The following ITGA9 variants were observed in gnomAD, a reference collection of about 807,000 sequenced individuals.
ITGA9 encodes the protein integrin alpha-9.
ITGA9 carries 56 observed loss-of-function variants against 127.8 expected under a neutral mutation model. The observed-to-expected ratio is 0.44, with a 90% CI of 0.35 to 0.55. ITGA9 has a LOEUF of 0.55. Among genes scored for constraint, ITGA9 ranks in the 20% least tolerant of loss-of-function variants. The pLI is 0.00. For synonymous variants in ITGA9, 508 were observed against 514.5 expected (o/e 0.99, Z 0.17); for missense variants, 1,196 against 1,347.1 (o/e 0.89, Z 1.76).
chr3:37,778,611 C>T (rs939384946), intron 24 of ITGA9, among the ~76,000 whole-genome samples: 2 of 149,250 alleles, frequency 1.3e-5, no homozygotes, highest in African/African-American at 4.9e-5. Flanking sequence ...GAGCAAGACT[C>T]TGTCTCAAAA....
At chr3:37,716,865 C>T (rs1170470176) in intron 18 of ITGA9, among the ~76,000 whole-genome samples, 2 of 151,984 alleles carry the variant, frequency 1.3e-5, no homozygotes, top group Non-Finnish European at 2.9e-5. Context: ...CTATATTGTT[C>T]TTAAAAATAC....
At chr3:37,460,579 G>A (rs972125203) in intron 1 of ITGA9, among the ~76,000 whole-genome samples, 2 of 147,494 alleles carry the variant, frequency 1.4e-5, no homozygotes, top group African/African-American at 2.5e-5. Flanking sequence ...CCTACTGTGT[G>A]CCCAAATCTT....
chr3:37,761,759 G>C (rs1425581840), intron 23 of ITGA9, among the ~76,000 whole-genome samples: 1 of 152,200 alleles, frequency 6.6e-6, no homozygotes, highest in East Asian at 1.9e-4. Flanking sequence ...AGGTCACAGA[G>C]ACCCCGCTGA....
chr3:37,476,020 CGGATCTCCTTCCTTTTTAAA>C (rs1698490084), intron 3 of ITGA9, among the ~76,000 whole-genome samples: 1 of 151,964 alleles, frequency 6.6e-6, no homozygotes, highest in Non-Finnish European at 1.5e-5. Flanking sequence ...AGCATGTGAC[CGGATCTCCTTCCTTTTTAAA>C]GGCAGAATAA....
intron 26 of ITGA9, among the ~76,000 whole-genome samples, chr3:37,792,924 G>C (rs1697128701): frequency 6.6e-6 from 1 of 152,142 alleles, no homozygotes; most frequent in Admixed American, 6.6e-5. Context: ...GAGTGATCCA[G>C]TGTCATCTCG....
intron 1 of ITGA9, among the ~76,000 whole-genome samples, chr3:37,457,310 G>A (rs1698271197): frequency 6.6e-6 from 1 of 152,190 alleles, no homozygotes; most frequent in Admixed American, 6.5e-5. Flanking sequence ...TGTCTCAAAT[G>A]AAATTTAAGA....
At chr3:37,776,514 T>C (rs1422607231) in intron 23 of ITGA9, among the ~76,000 whole-genome samples, 4 of 152,366 alleles carry the variant, frequency 2.6e-5, no homozygotes, top group African/African-American at 9.6e-5. Context: ...TTACTAATTA[T>C]TAATTTTCTG....
intron 27 of ITGA9, chr3:37,818,206 A>AAAAAAAAAAAAAAAAAAAAAAAC (rs1697462095): frequency 6.7e-6 from 1 of 149,376 alleles, no homozygotes; most frequent in East Asian, 1.9e-4. Context: ...AAAAAAAAAA[A>AAAAAAAAAAAAAAAAAAAAAAAC]AAAAAAAAAA....
At chr3:37,621,589 A>G (rs561858020) in intron 15 of ITGA9, among the ~76,000 whole-genome samples, 3 of 152,346 alleles carry the variant, frequency 2.0e-5, no homozygotes, top group African/African-American at 7.2e-5. Flanking sequence ...CAGACTTTTC[A>G]ATGCAAAATC....
intron 23 of ITGA9, among the ~76,000 whole-genome samples, chr3:37,769,338 C>CAA (rs35133772): frequency 1.7e-4 from 20 of 114,314 alleles, no homozygotes; most frequent in Non-Finnish European, 3.1e-4. Flanking sequence ...AACTCTGTCT[C>CAA]AAAAAAAAAA....
chr3:37,695,794 T>C (rs903235377), intron 18 of ITGA9, among the ~76,000 whole-genome samples: 1 of 152,240 alleles, frequency 6.6e-6, no homozygotes, highest in African/African-American at 2.4e-5. Flanking sequence ...AAAAGCCACC[T>C]TTTTTAGCAG....
At chr3:37,671,355 G>C (rs1700636006) in intron 17 of ITGA9, among the ~76,000 whole-genome samples, 1 of 152,228 alleles carries the variant, frequency 6.6e-6, no homozygotes, top group Non-Finnish European at 1.5e-5. Flanking sequence ...TGAGGGACAG[G>C]GAGGGGCCCA....
At chr3:37,758,534 A>G (rs1328576922) in intron 23 of ITGA9, among the ~76,000 whole-genome samples, 2 of 151,382 alleles carry the variant, frequency 1.3e-5, no homozygotes, top group Non-Finnish European at 2.9e-5. Context: ...GGTTTCTAAA[A>G]AGTTAAAAAT....
At chr3:37,695,261 G>A (rs1029714657) in intron 18 of ITGA9, among the ~76,000 whole-genome samples, 3 of 152,190 alleles carry the variant, frequency 2.0e-5, no homozygotes, top group East Asian at 1.9e-4. Flanking sequence ...GAAGACCCAC[G>A]GTTCTGGCTC....
At chr3:37,643,071 C>A (rs992425578) in intron 16 of ITGA9, among the ~76,000 whole-genome samples, 1 of 152,150 alleles carries the variant, frequency 6.6e-6, no homozygotes, top group Admixed American at 6.5e-5. Flanking sequence ...TCACTCCAGA[C>A]GTCAGAACCA....
chr3:37,610,444 A>G (rs1455279966), intron 15 of ITGA9, among the ~76,000 whole-genome samples: 1 of 152,216 alleles, frequency 6.6e-6, no homozygotes, highest in Admixed American at 6.5e-5. Context: ...TTTACTTCCT[A>G]CTTGCAAAGA....
At chr3:37,468,545 C>A (rs197721) in intron 1 of ITGA9, among the ~76,000 whole-genome samples, 14,724 of 152,132 alleles carry the variant, frequency 0.097, 768 homozygotes, top group Admixed American at 0.13. Context: ...GATGTAGAGG[C>A]CTTGTTTGTC....
chr3:37,511,017 C>T (rs1698899460), intron 8 of ITGA9, among the ~76,000 whole-genome samples: 1 of 152,094 alleles, frequency 6.6e-6, no homozygotes, highest in Non-Finnish European at 1.5e-5. Context: ...AGGACATGAC[C>T]CCAGGCTTTC....
At chr3:37,624,928 G>C (rs1700162703) in intron 15 of ITGA9, among the ~76,000 whole-genome samples, 1 of 152,112 alleles carries the variant, frequency 6.6e-6, no homozygotes, top group Admixed American at 6.5e-5. Flanking sequence ...TTCTATAACA[G>C]CCTCTAGGAT....
Sources: allele counts gnomAD v4.1 joint callset (sites outside exome capture counted in the v4.1 genomes callset), GRCh38; gene constraint gnomAD v4.1.1; transcripts MANE v1.5; gene names NCBI Gene and HGNC (gene_info 2026-07-23, HGNC 2026-07-21).